DOCK4: variants seen among roughly 807,000 people sequenced by gnomAD.
DOCK4 encodes dedicator of cytokinesis 4, also known as dedicator of cytokinesis protein 4.
A neutral mutation model predicts 268.1 loss-of-function variants in DOCK4; 97 were observed. That is an observed-to-expected ratio of 0.36 (90% CI 0.31 to 0.43). The LOEUF (loss-of-function observed/expected upper bound fraction) is 0.43, where lower values mean the gene tolerates loss of function less well. Ranked by LOEUF, DOCK4 falls within the 20% of genes least tolerant of loss-of-function variation. DOCK4 has a pLI of 1.00. For missense variants in DOCK4, 2,145 were observed against 2,455.7 expected, an observed-to-expected ratio of 0.87 and a Z score of 2.67; for synonymous variants, 954 against 887.2, an observed-to-expected ratio of 1.08 and a Z score of -1.34.
At chr7:111,957,205 G>A (rs1019817749) in intron 8 of DOCK4, among the ~76,000 whole-genome samples, 2 of 152,120 alleles carry the variant, frequency 1.3e-5, no homozygotes, top group African/African-American at 4.8e-5. Flanking sequence ...CTTTAGACAT[G>A]TGAAATAAAA....
intron 1 of DOCK4, among the ~76,000 whole-genome samples, chr7:112,128,461 T>C (rs1185840760): frequency 1.3e-5 from 2 of 152,098 alleles, no homozygotes; most frequent in African/African-American, 2.4e-5. Flanking sequence ...CAATGGCGGC[T>C]TTGTGGAATA....
intron 13 of DOCK4, among the ~76,000 whole-genome samples, chr7:111,913,406 C>T (rs1792295822): frequency 6.9e-6 from 1 of 144,266 alleles, no homozygotes. Context: ...CCCATCTTTA[C>T]AATTTTTTTT....
chr7:111,816,683 G>A (rs894832912), intron 27 of DOCK4, among the ~76,000 whole-genome samples: 1 of 152,208 alleles, frequency 6.6e-6, no homozygotes, highest in Non-Finnish European at 1.5e-5. Context: ...TGCATCCACA[G>A]GGGCAGAGAC....
intron 1 of DOCK4, among the ~76,000 whole-genome samples, chr7:112,023,305 G>C (rs1038853748): frequency 1.3e-5 from 2 of 152,140 alleles, no homozygotes; most frequent in Non-Finnish European, 2.9e-5. Context: ...TGTGTAGGGA[G>C]AAGCATTGAA....
chr7:112,114,568 T>A (rs1490138995), intron 1 of DOCK4, among the ~76,000 whole-genome samples: 1 of 152,232 alleles, frequency 6.6e-6, no homozygotes, highest in African/African-American at 2.4e-5. Context: ...GTTTTCACTC[T>A]AATATTTGTG....
intron 1 of DOCK4, among the ~76,000 whole-genome samples, chr7:112,115,609 T>A (rs527636388): frequency 1.3e-5 from 2 of 151,364 alleles, no homozygotes; most frequent in East Asian, 3.9e-4. Context: ...AGATCCAACA[T>A]ATGCCATCTA....
At chr7:112,088,616 T>C (rs1285804947) in intron 1 of DOCK4, among the ~76,000 whole-genome samples, 1 of 152,158 alleles carries the variant, frequency 6.6e-6, no homozygotes, top group Non-Finnish European at 1.5e-5. Context: ...AGCTTAAACA[T>C]GTGCTAAGTC....
At chr7:111,840,713 A>C (rs1229968256) in intron 25 of DOCK4, 2 of 934,716 alleles carry the variant, frequency 2.1e-6, no homozygotes, top group Non-Finnish European at 2.8e-6. Flanking sequence ...GTGCTTACAG[A>C]GCACTGGAAG....
At chr7:111,822,488 G>A (rs763794009) in intron 26 of DOCK4, 32 bp from the exon 27 acceptor site, 28 of 1,562,654 alleles carry the variant, frequency 1.8e-5, no homozygotes, top group Non-Finnish European at 2.4e-5. Flanking sequence ...TCATTTTATT[G>A]GTTTATTGTA....
intron 1 of DOCK4, among the ~76,000 whole-genome samples, chr7:112,071,295 T>C (rs946735624): frequency 1.3e-5 from 2 of 152,210 alleles, no homozygotes; most frequent in Non-Finnish European, 2.9e-5. Flanking sequence ...TTTTCTACTA[T>C]TCTTAATTAT....
chr7:111,974,491 G>GGTGTGT (rs1562952095), intron 8 of DOCK4, among the ~76,000 whole-genome samples: 4 of 90,340 alleles, frequency 4.4e-5, no homozygotes, highest in Non-Finnish European at 9.6e-5. Flanking sequence ...ATTGAAGAGG[G>GGTGTGT]ATGTGTGTGT....
At chr7:111,974,983 C>T (rs1323335107) in intron 8 of DOCK4, among the ~76,000 whole-genome samples, 2 of 152,102 alleles carry the variant, frequency 1.3e-5, no homozygotes, top group African/African-American at 4.8e-5. Context: ...GCTTAACAGG[C>T]GACCAGGCAC....
intron 1 of DOCK4, among the ~76,000 whole-genome samples, chr7:112,046,751 G>C (rs941749325): frequency 6.6e-6 from 1 of 152,132 alleles, no homozygotes; most frequent in Non-Finnish European, 1.5e-5. Context: ...TTGAGAGAGG[G>C]GCTACATATG....
chr7:111,732,328 C>G, intron 51 of DOCK4, 41 bp from the exon 52 acceptor site: 2 of 1,603,598 alleles, frequency 1.2e-6, no homozygotes, highest in Non-Finnish European at 1.7e-6. Context: ...TTAAGAAAAA[C>G]CAGACGATTG....
intron 1 of DOCK4, among the ~76,000 whole-genome samples, chr7:112,005,526 T>C (rs1401540747): frequency 6.6e-6 from 1 of 152,210 alleles, no homozygotes; most frequent in Admixed American, 6.5e-5. Context: ...CAAGAAGCAT[T>C]TTGCTGGCAA....
intron 8 of DOCK4, among the ~76,000 whole-genome samples, chr7:111,956,349 C>T (rs187998325): frequency 6.4e-4 from 97 of 152,208 alleles, no homozygotes; most frequent in Non-Finnish European, 1.2e-3. Flanking sequence ...TATAAAAATC[C>T]ATGTCATTCA....
intron 1 of DOCK4, among the ~76,000 whole-genome samples, chr7:112,017,746 T>C (rs1801934421): frequency 6.6e-6 from 1 of 152,110 alleles, no homozygotes; most frequent in African/African-American, 2.4e-5. Flanking sequence ...AACCACACCC[T>C]ATCCCAACCC....
intron 50 of DOCK4, among the ~76,000 whole-genome samples, chr7:111,736,311 C>G (rs759818396): frequency 1.3e-5 from 2 of 152,134 alleles, no homozygotes; most frequent in Non-Finnish European, 2.9e-5. Context: ...GCCCCGACCC[C>G]GTAGCTGAGG....
At position 111,790,471 on chromosome 7, in the gene DOCK4, C is replaced by T. The variant is rs775248960; in HGVS notation, c.3301G>A (p.Gly1101Ser). The T allele has an allele frequency of 3.1e-6, 5 of 1,613,758 alleles. No homozygotes were observed. In the South Asian group the frequency reaches 4.4e-5, roughly 14 times the overall value. The change falls in exon 31 of 53, where the codon GGC (glycine) becomes AGC (serine). Residue 1101 changes from glycine (G) to serine (S), a missense_variant. Gly to Ser is a moderately conservative substitution (Grantham distance 56). This residue lies in a region of DOCK4 where 1,598 missense variants were observed against 1,986.7 expected (regional missense o/e 0.80). Transcript: ENST00000428084. ...DMMDWEQRRS[G>S]NFKQVEAKLI... ...CTTCTGCCTACCTGTTTAAAGTTGC[C>T]ACTCCGCCTCTGCTCCCAGTCCATC... is the stretch of plus-strand genomic sequence containing the variant.
Sources: allele counts gnomAD v4.1 joint callset (sites outside exome capture counted in the v4.1 genomes callset), GRCh38; gene constraint gnomAD v4.1.1; regional missense constraint gnomAD v4.1.1; transcripts MANE v1.5; gene names NCBI Gene and HGNC (gene_info 2026-07-23, HGNC 2026-07-21).